ZNF536: variants seen among roughly 807,000 people sequenced by gnomAD.
ZNF536 encodes zinc finger protein 536.
A neutral mutation model predicts 84.5 loss-of-function variants in ZNF536; 13 were observed. That is an observed-to-expected ratio of 0.15 (90% CI 0.10 to 0.24). The LOEUF is 0.24. Ranked by LOEUF, ZNF536 falls within the 10% of genes least tolerant of loss-of-function variation. ZNF536 has a pLI of 1.00. For synonymous variants in ZNF536, 811 were observed against 742.5 expected, an observed-to-expected ratio of 1.09 and a Z score of -1.50; for missense variants, 1,536 against 1,747.5, an observed-to-expected ratio of 0.88 and a Z score of 2.16.
In ZNF536 at chr19:30,444,964, A is replaced by G; in HGVS notation, c.1402A>G (p.Lys468Glu). The G allele has an allele frequency of 1.2e-6, 2 of 1,611,598 alleles. No individual in the cohort carries two copies. Among genetic ancestry groups the G allele is most frequent in the Non-Finnish European group, 1.7e-6 (2 of 1,178,970 alleles). ...CATGAAGGAGAAGGAAGCGCTGGGG[A>G]AGCTGCTGTCTCCCATCTCCAGCAT... is the stretch of plus-strand genomic sequence containing the variant. Reference protein sequence around the residue: ...LPMKEKEALGKLLSPISSMAH... With the variant: ...LPMKEKEALGELLSPISSMAH... Residue 468 changes from lysine to glutamate, a missense_variant, in exon 2 of 5, where the codon AAG (lysine) becomes GAG (glutamate). Lys to Glu is a moderately conservative substitution (Grantham distance 56, BLOSUM62 1). Around this residue, in one of 8 missense-constraint regions of ZNF536, gnomAD observed 366 missense variants for 364.4 expected, o/e 1.00. Transcript: ENST00000355537.
intron 2 of ZNF536, among the ~76,000 whole-genome samples, chr19:30,452,400 A>G (rs553005412): frequency 6.6e-6 from 1 of 152,316 alleles, no homozygotes; most frequent in East Asian, 1.9e-4. Context: ...TTCTTCCTCT[A>G]CATCTCAGTG....
chr19:30,392,334 A>G (rs1195307054), intron 1 of ZNF536, among the ~76,000 whole-genome samples: 1 of 152,182 alleles, frequency 6.6e-6, no homozygotes, highest in Non-Finnish European at 1.5e-5. Flanking sequence ...AAGGGAGGTT[A>G]GGAGCAGCCG....
At chr19:30,697,749 A>C (rs61653658) in intron 1 of ZNF536, among the ~76,000 whole-genome samples, 10,663 of 152,258 alleles carry the variant, frequency 0.07, 407 homozygotes, top group East Asian at 0.13. Context: ...GCGATTTCTC[A>C]AAATCTGCTC....
At chr19:30,558,974 G>T (rs1013451755), downstream of ZNF536, among the ~76,000 whole-genome samples, 2 of 152,112 alleles carry the variant, frequency 1.3e-5, no homozygotes, top group Non-Finnish European at 2.9e-5. Flanking sequence ...CCTGGCCTCC[G>T]CAACAGGACA....
rs774382349 is a variant in ZNF536 at position 30,471,732 on chromosome 19, T to C, written c.2170+26000T>C. On this transcript the variant is annotated intron_variant, in intron 2 of 4. Coordinates refer to ENST00000355537, the MANE Select transcript of ZNF536 (RefSeq NM_014717.3). ...AGGCCCTGCTGAGGCACCTGCCTGG[T>C]AACATGAAAAACTTGACCGGAGGTC... is the stretch of plus-strand genomic sequence containing the variant. 3.1e-4 allele frequency among the ~76,000 whole-genome samples: 47 copies of C among 152,344 alleles called. 1 individual carries two copies. The highest frequency in any genetic ancestry group is 6.2e-4 in the Non-Finnish European group (42 of 68,032).
intron 1 of ZNF536, among the ~76,000 whole-genome samples, chr19:30,271,804 C>T (rs2025869477): frequency 6.6e-6 from 1 of 152,182 alleles, no homozygotes; most frequent in African/African-American, 2.4e-5. Context: ...CCCTATGTGT[C>T]CTAGGAGACA....
chr19:30,711,559 G>A (rs1600361921), exon 2 of ZNF536: 2 of 152,178 alleles, frequency 1.3e-5, no homozygotes. Context: ...TGCACTCTTG[G>A]AGAAACCTTA....
chr19:30,327,650 T>A (rs2047082904), intron 2 of ZNF536, among the ~76,000 whole-genome samples: 1 of 152,194 alleles, frequency 6.6e-6, no homozygotes. Context: ...ACCCTTCATT[T>A]GGGAGGTGTC....
intron 2 of ZNF536, among the ~76,000 whole-genome samples, chr19:30,344,949 T>C (rs934180020): frequency 1.3e-5 from 2 of 152,228 alleles, no homozygotes; most frequent in Non-Finnish European, 2.9e-5. Context: ...AGACACAGAT[T>C]GGATGCTACT....
intron 1 of ZNF536, among the ~76,000 whole-genome samples, chr19:30,703,421 C>G (rs2052082158): frequency 6.6e-6 from 1 of 152,152 alleles, no homozygotes; most frequent in Non-Finnish European, 1.5e-5. Context: ...GCCCTACCTT[C>G]TAAATGGGGA....
chr19:30,444,063 G>A lies in ZNF536; in HGVS notation c.501G>A (p.Ala167=), dbSNP rs1391244927. 5.6e-6 allele frequency: 9 copies of A among 1,613,392 alleles called. No homozygotes were observed. Among genetic ancestry groups the A allele is most frequent in the Non-Finnish European group, 7.6e-6 (9 of 1,180,004 alleles). ...PFKCPYCDHR[A]AQKGNLKIHL... ...AGTGCCCGTACTGCGACCACAGGGC[G>A]GCGCAGAAGGGGAACCTCAAGATTC... Residue 167 remains alanine (A), a synonymous_variant, in exon 2 of 5, where the codon GCG becomes GCA. Transcript: ENST00000355537.
At position 30,444,231 on chromosome 19, in the gene ZNF536, C is replaced by A. The variant is rs1473327018; in HGVS notation, c.669C>A (p.Asp223Glu). ...GCAGCCTGCTGCAGCCCCGGCCGGA[C>A]CTGAAGCCCCCGCCGCACGCCCAGC... is the stretch of plus-strand genomic sequence containing the variant. ...LKGSLLQPRP[D>E]LKPPPHAQQA... is the part of the protein sequence containing the mutation. The change falls in exon 2 of 5, where the codon GAC (aspartate) becomes GAA (glutamate). Residue 223 changes from aspartate (D) to glutamate (E), a missense_variant. Asp to Glu is a conservative substitution (Grantham distance 45). Transcript: ENST00000355537. 1 of 1,544,148 alleles carries A rather than the reference C, an allele frequency of 6.5e-7. No individual in the cohort carries two copies. Among genetic ancestry groups the A allele is most frequent in the Non-Finnish European group, 8.7e-7 (1 of 1,150,546 alleles).
intron 1 of ZNF536, among the ~76,000 whole-genome samples, chr19:30,607,109 A>T (rs754152583): frequency 6.6e-6 from 1 of 152,302 alleles, no homozygotes; most frequent in African/African-American, 2.4e-5. Flanking sequence ...GCTTGGATCA[A>T]ATGATCCCCT....
At chr19:30,326,015 A>G (rs2047013080) in intron 2 of ZNF536, among the ~76,000 whole-genome samples, 1 of 152,240 alleles carries the variant, frequency 6.6e-6, no homozygotes. Context: ...ACTTGGGGTC[A>G]TGCATGAAGT....
At chr19:30,560,706 A>G (rs193092891), downstream of ZNF536, among the ~76,000 whole-genome samples, 1 of 152,316 alleles carries the variant, frequency 6.6e-6, no homozygotes, top group East Asian at 1.9e-4. Context: ...TTTTCTATTT[A>G]CACATGTTCG....
chr19:30,256,399 T>C (rs2024919774), intron 1 of ZNF536, among the ~76,000 whole-genome samples: 1 of 152,262 alleles, frequency 6.6e-6, no homozygotes. Flanking sequence ...ACGAGCCCGG[T>C]TTGCTATTTA....
intron 1 of ZNF536, among the ~76,000 whole-genome samples, chr19:30,261,499 A>G (rs2025219855): frequency 6.6e-6 from 1 of 151,522 alleles, no homozygotes; most frequent in African/African-American, 2.4e-5. Flanking sequence ...CTGGAGTTTG[A>G]GACCAATCTG....
intron 1 of ZNF536, among the ~76,000 whole-genome samples, chr19:30,581,143 T>G (rs2046906076): frequency 6.6e-6 from 1 of 152,228 alleles, no homozygotes; most frequent in African/African-American, 2.4e-5. Flanking sequence ...AATAGTCAAC[T>G]AATAAGTTCA....
chr19:30,510,773 A>G (rs1054590236), intron 2 of ZNF536, among the ~76,000 whole-genome samples: 25 of 152,190 alleles, frequency 1.6e-4, no homozygotes, highest in Non-Finnish European at 3.1e-4. Flanking sequence ...CACTGTAGTT[A>G]TCCTCATCGC....
Sources: gnomAD v4.1 joint callset for allele counts (sites outside exome capture counted in the v4.1 genomes callset) on GRCh38, gnomAD v4.1.1 for gene constraint, gnomAD v4.1.1 regional missense constraint, MANE v1.5 for transcripts, NCBI Gene and HGNC (gene_info 2026-07-23, HGNC 2026-07-21) for gene names.